TYW1B: variants seen among roughly 807,000 people sequenced by gnomAD.
The protein encoded by TYW1B is S-adenosyl-L-methionine-dependent tRNA 4-demethylwyosine synthase TYW1B.
In TYW1B, 73 loss-of-function variants were observed where a neutral mutation model predicts 86.9. That is an observed-to-expected ratio of 0.84 (90% CI 0.70 to 1.02). TYW1B has a LOEUF of 1.02. Ranked by LOEUF, TYW1B falls within the 50% of genes least tolerant of loss-of-function variation. The pLI, the probability that TYW1B is intolerant of heterozygous loss-of-function variation, is 0.00. For missense variants in TYW1B, 637 were observed against 827.4 expected (o/e 0.77, Z 2.82); for synonymous variants, 248 against 292.8 (o/e 0.85, Z 1.56).
At chr7:72,733,487 G>A (rs1170121083) in intron 8 of TYW1B, among the ~76,000 whole-genome samples, 10 of 151,966 alleles carry the variant, frequency 6.6e-5, no homozygotes, top group African/African-American at 2.4e-4. Flanking sequence ...GTGAAACCCT[G>A]TCTCTACTAA....
At chr7:72,604,542 A>G (rs543684066) in intron 13 of TYW1B, among the ~76,000 whole-genome samples, 2 of 152,284 alleles carry the variant, frequency 1.3e-5, no homozygotes, top group South Asian at 4.1e-4. Context: ...CAAGCCATAT[A>G]TATCACTTAT....
intron 13 of TYW1B, among the ~76,000 whole-genome samples, chr7:72,596,179 CAAAAAA>C (rs58325295): frequency 1.8e-5 from 1 of 56,378 alleles, no homozygotes; most frequent in Non-Finnish European, 3.3e-5. Flanking sequence ...AACTCTGTCT[CAAAAAA>C]AAAAAAAAAA....
chr7:72,769,486 CT>C (rs1490060518), intron 7 of TYW1B, among the ~76,000 whole-genome samples: 1 of 152,144 alleles, frequency 6.6e-6, no homozygotes, highest in Non-Finnish European at 1.5e-5. Context: ...TCTTTGTGAC[CT>C]TGTGGTTGGC....
Position 72,776,556 on chromosome 7 carries a change from C to CAA in TYW1B, c.964+858_964+859dup, listed in dbSNP as rs67553013. Among the ~76,000 whole-genome samples, 117 of 44,916 alleles carry CAA rather than the reference C, an allele frequency of 2.6e-3. 2 individuals are homozygous for CAA. The highest frequency in any genetic ancestry group is 3.6e-3 in the African/African-American group (38 of 10,524). The allele number at this position is 44,916 out of a possible 152,430, so 29.5% of individuals were successfully genotyped here. A position where few individuals can be genotyped will look rare whatever the true frequency, so the allele number is the denominator to read the frequency against. On this transcript the variant is annotated intron_variant, in intron 7 of 13. Transcript: ENST00000620995. ...AGACTGGGTGAGAGAGACTCTGTCTCAAAAAAAAAAAAAAAAAAAAAAAGA... is the reference window on the plus strand; with the variant it reads ...AGACTGGGTGAGAGAGACTCTGTCTCAAAAAAAAAAAAAAAAAAAAAAAAAGA...
At position 72,622,150 on chromosome 7, in the gene TYW1B, T is replaced by C. The variant is rs2960923; in HGVS notation, c.1618-5311A>G. On this transcript the variant is annotated intron_variant, in intron 12 of 13. Transcript: ENST00000620995. ...AGACAGATGGTTGTAACATGAAACCTTTTCACAAGCAAGCAAGCAAATAAT... is the reference window on the plus strand; with the variant it reads ...AGACAGATGGTTGTAACATGAAACCCTTTCACAAGCAAGCAAGCAAATAAT... 1.5e-3 allele frequency among the ~76,000 whole-genome samples: 233 copies of C among 152,190 alleles called. 1 individual carries two copies. The highest frequency in any genetic ancestry group is 5.5e-3 in the African/African-American group (227 of 41,554).
chr7:72,814,919 ATTAGC>A (rs1788692798), intron 3 of TYW1B, among the ~76,000 whole-genome samples: 1 of 149,240 alleles, frequency 6.7e-6, no homozygotes, highest in Non-Finnish European at 1.5e-5. Flanking sequence ...AAAAAAAAAA[ATTAGC>A]TGGGCATGGT....
intron 8 of TYW1B, among the ~76,000 whole-genome samples, chr7:72,741,036 T>A (rs1400605275): frequency 2.0e-5 from 3 of 152,070 alleles, no homozygotes; most frequent in Non-Finnish European, 4.4e-5. Context: ...GGCCAAAATA[T>A]GCAGTTTTCA....
chr7:72,796,695 G>A (rs1435962918), intron 6 of TYW1B, among the ~76,000 whole-genome samples: 130 of 150,242 alleles, frequency 8.7e-4, no homozygotes, highest in Middle Eastern at 3.4e-3. Flanking sequence ...CACTTGTTCA[G>A]TAAGATGTCC....
intron 11 of TYW1B, among the ~76,000 whole-genome samples, chr7:72,634,990 C>T (rs1372491990): frequency 6.6e-6 from 1 of 152,104 alleles, no homozygotes; most frequent in African/African-American, 2.4e-5. Context: ...CATACATTTC[C>T]ACTTTCTTTC....
At chr7:72,616,984 A>G in intron 12 of TYW1B, 145 bp from the exon 13 acceptor site, 3 of 1,097,964 alleles carry the variant, frequency 2.7e-6, no homozygotes, top group Non-Finnish European at 3.9e-6. Flanking sequence ...TAGAGATGAT[A>G]AAATCTGCCT....
At chr7:72,709,083 A>G (rs1814681263) in intron 10 of TYW1B, among the ~76,000 whole-genome samples, 1 of 152,210 alleles carries the variant, frequency 6.6e-6, no homozygotes, top group Non-Finnish European at 1.5e-5. Context: ...AAGATGAAAG[A>G]CTATGTCCTC....
intron 8 of TYW1B, among the ~76,000 whole-genome samples, chr7:72,742,837 A>G (rs1787329364): frequency 6.6e-6 from 1 of 152,200 alleles, no homozygotes; most frequent in Non-Finnish European, 1.5e-5. Flanking sequence ...GCCAATATGG[A>G]GATAAATTAA....
Position 72,644,149 on chromosome 7 carries a change from G to T in TYW1B, c.1507-15152C>A, listed in dbSNP as rs1465456453. On this transcript the variant is annotated intron_variant, in intron 11 of 13. Coordinates refer to ENST00000620995, the MANE Select transcript of TYW1B (RefSeq NM_001145440.3). ...TAAAGGAAATCATATAATCTCAATA[G>T]ACGCAAAAAAATGATATGATAAAAA... is the stretch of plus-strand genomic sequence containing the variant. 6.6e-5 allele frequency among the ~76,000 whole-genome samples: 10 copies of T among 152,140 alleles called. No homozygotes were observed. In the East Asian group the frequency reaches 1.9e-3, roughly 29 times the overall value.
chr7:72,712,598 G>C (rs868965175), intron 10 of TYW1B, among the ~76,000 whole-genome samples: 1 of 152,178 alleles, frequency 6.6e-6, no homozygotes, highest in Admixed American at 6.6e-5. Context: ...AAAGTGCTGG[G>C]ATGACAGGCA....
At chr7:72,782,970 A>G (rs1228268898) in intron 6 of TYW1B, among the ~76,000 whole-genome samples, 10 of 152,224 alleles carry the variant, frequency 6.6e-5, no homozygotes, top group African/African-American at 2.4e-4. Flanking sequence ...CCATGCCAGC[A>G]CAGGATGGGC....
chr7:72,727,682 G>A (rs189119018), intron 9 of TYW1B, among the ~76,000 whole-genome samples: 12 of 151,954 alleles, frequency 7.9e-5, no homozygotes, highest in Middle Eastern at 6.8e-3. Context: ...GGTGGCCAGC[G>A]CCTGTAGCCC....
intron 8 of TYW1B, among the ~76,000 whole-genome samples, chr7:72,733,389 G>A (rs1787146449): frequency 6.6e-6 from 1 of 152,206 alleles, no homozygotes; most frequent in Non-Finnish European, 1.5e-5. Flanking sequence ...GCCGGGCGCG[G>A]TGGCTCACGC....
intron 9 of TYW1B, among the ~76,000 whole-genome samples, chr7:72,720,650 A>C (rs1290254801): frequency 1.3e-5 from 2 of 152,104 alleles, no homozygotes; most frequent in African/African-American, 2.4e-5. Context: ...AGGCTGTTAC[A>C]CTGGTCCTCC....
At chr7:72,593,495 C>T (rs1477785067) in intron 13 of TYW1B, among the ~76,000 whole-genome samples, 4 of 151,914 alleles carry the variant, frequency 2.6e-5, no homozygotes, top group Non-Finnish European at 4.4e-5. Flanking sequence ...TCATACAAAG[C>T]ATATTCTCCA....
Sources: gnomAD v4.1 joint callset for allele counts (sites outside exome capture counted in the v4.1 genomes callset) on GRCh38, gnomAD v4.1.1 for gene constraint, MANE v1.5 for transcripts, NCBI Gene and HGNC (gene_info 2026-07-23, HGNC 2026-07-21) for gene names.